The following NUP93 variants were observed in gnomAD, a reference collection of about 807,000 sequenced individuals.
The protein encoded by NUP93 is nucleoporin 93.
Under a neutral mutation model 107.8 loss-of-function variants are expected in NUP93, and 55 were observed. The observed-to-expected ratio is 0.51, with a 90% CI of 0.41 to 0.64. The LOEUF is 0.64. Ranked by LOEUF, NUP93 falls within the 30% of genes least tolerant of loss-of-function variation. The pLI is 0.00. For synonymous variants in NUP93, 390 were observed against 397.5 expected, an observed-to-expected ratio of 0.98 and a Z score of 0.22; for missense variants, 937 against 1,044.7, an observed-to-expected ratio of 0.90 and a Z score of 1.42.
intron 1 of NUP93, among the ~76,000 whole-genome samples, chr16:56,734,934 T>G (rs1961588322): frequency 6.6e-6 from 1 of 152,208 alleles, no homozygotes; most frequent in African/African-American, 2.4e-5. Flanking sequence ...ATCTCTATCT[T>G]TCTGACACGG....
intron 5 of NUP93, among the ~76,000 whole-genome samples, chr16:56,815,359 A>G (rs187016914): frequency 1.9e-4 from 29 of 152,302 alleles, no homozygotes; most frequent in African/African-American, 6.7e-4. Context: ...CTTAGAGAAC[A>G]GTCCTTAATA....
intron 8 of NUP93, among the ~76,000 whole-genome samples, chr16:56,826,776 A>G (rs1963669927): frequency 6.6e-6 from 1 of 151,638 alleles, no homozygotes; most frequent in African/African-American, 2.4e-5. Flanking sequence ...GGCTGGGTGC[A>G]GCGTCTCACG....
intron 2 of NUP93, among the ~76,000 whole-genome samples, chr16:56,755,720 C>A (rs1278130938): frequency 6.6e-6 from 1 of 151,980 alleles, no homozygotes; most frequent in Non-Finnish European, 1.5e-5. Flanking sequence ...AGTGAAAATA[C>A]AAAAATTAGC....
intron 6 of NUP93, 77 bp from the exon 7 acceptor site, chr16:56,821,427 C>G (rs1963539172): frequency 1.0e-6 from 1 of 987,998 alleles, no homozygotes; most frequent in Non-Finnish European, 1.6e-6. Flanking sequence ...CTTCTGCCGG[C>G]CATTGCCTGC....
At chr16:56,810,252 C>T (rs8048804) in intron 5 of NUP93, among the ~76,000 whole-genome samples, 133,807 of 152,252 alleles carry the variant, frequency 0.88, 59,119 homozygotes, top group East Asian at 0.99. Flanking sequence ...TGCCCTTTTC[C>T]GGAATCTTAC....
chr16:56,805,495 T>G lies in NUP93; in HGVS notation c.361-9T>G, dbSNP rs765248778. ...CTGAGGGTCATTGTTCTCTGTTCCT[T>G]TCTGGCAGACCTTCGGCATGGCTGA... On this transcript the variant is annotated splice_polypyrimidine_tract_variant and intron_variant, in intron 4 of 21. Coordinates refer to ENST00000308159, the MANE Select transcript of NUP93 (RefSeq NM_014669.5). The G allele has an allele frequency of 6.2e-6, 10 of 1,613,742 alleles. No homozygotes were observed. Among genetic ancestry groups the G allele is most frequent in the Non-Finnish European group, 8.5e-6 (10 of 1,179,802 alleles).
intron 7 of NUP93, among the ~76,000 whole-genome samples, chr16:56,822,166 G>C (rs549308525): frequency 1.0e-3 from 157 of 151,298 alleles, no homozygotes; most frequent in African/African-American, 3.6e-3. Flanking sequence ...GAAGAAGGGA[G>C]GGAAGGCTAT....
intron 11 of NUP93, 65 bp from the exon 12 acceptor site, chr16:56,832,230 C>A: frequency 7.2e-7 from 1 of 1,390,890 alleles, no homozygotes; most frequent in Non-Finnish European, 1.0e-6. Context: ...TGAACAGCTA[C>A]AACTCTGTGC....
chr16:56,769,127 T>C (rs1303523007), intron 3 of NUP93, among the ~76,000 whole-genome samples: 3 of 152,206 alleles, frequency 2.0e-5, no homozygotes, highest in Non-Finnish European at 4.4e-5. Context: ...TGCTCTTAGC[T>C]GCCTAGGATT....
intron 8 of NUP93, among the ~76,000 whole-genome samples, chr16:56,828,406 T>C (rs893973648): frequency 1.3e-5 from 2 of 152,160 alleles, no homozygotes; most frequent in African/African-American, 2.4e-5. Flanking sequence ...ATCATAATGA[T>C]ACTGAGGTTA....
At chr16:56,752,492 T>C (rs1346820433) in intron 2 of NUP93, among the ~76,000 whole-genome samples, 1 of 152,166 alleles carries the variant, frequency 6.6e-6, no homozygotes, top group Admixed American at 6.5e-5. Flanking sequence ...AAGTATTTAG[T>C]ACTCTATCAT....
At chr16:56,800,855 G>T in intron 4 of NUP93, among the ~76,000 whole-genome samples, 1 of 152,174 alleles carries the variant, frequency 6.6e-6, no homozygotes, top group Non-Finnish European at 1.5e-5. Flanking sequence ...TGAAGTCAAA[G>T]CATATTGCCC....
At chr16:56,818,642 C>G (rs1379217140) in intron 5 of NUP93, 22 bp from the exon 6 acceptor site, 3 of 1,594,282 alleles carry the variant, frequency 1.9e-6, no homozygotes, top group African/African-American at 1.3e-5. Flanking sequence ...CTAACTGATT[C>G]TGAATGTGTA....
At chr16:56,822,923 A>G (rs1414281419) in intron 7 of NUP93, among the ~76,000 whole-genome samples, 1 of 152,204 alleles carries the variant, frequency 6.6e-6, no homozygotes, top group Non-Finnish European at 1.5e-5. Flanking sequence ...TTTGAGACAG[A>G]CCATGAAAAC....
At chr16:56,756,284 T>A (rs1177176521) in intron 2 of NUP93, among the ~76,000 whole-genome samples, 1 of 125,598 alleles carries the variant, frequency 8.0e-6, no homozygotes, top group Non-Finnish European at 1.7e-5. Context: ...CCTAATGCTC[T>A]CTCTCTCCTT....
chr16:56,789,343 A>G (rs761270684), intron 3 of NUP93, among the ~76,000 whole-genome samples: 1 of 152,274 alleles, frequency 6.6e-6, no homozygotes, highest in African/African-American at 2.4e-5. Context: ...CTGAAAACCA[A>G]TTTAAATCAT....
chr16:56,800,789 A>G (rs1457156814), intron 4 of NUP93, among the ~76,000 whole-genome samples: 2 of 152,242 alleles, frequency 1.3e-5, no homozygotes, highest in Non-Finnish European at 2.9e-5. Flanking sequence ...GAACAACATT[A>G]TCAGAACATA....
At chr16:56,784,580 C>A (rs1209839757) in intron 3 of NUP93, among the ~76,000 whole-genome samples, 1 of 152,138 alleles carries the variant, frequency 6.6e-6, no homozygotes, top group Non-Finnish European at 1.5e-5. Flanking sequence ...TATACTGTTA[C>A]TAAGAGGAAA....
At chr16:56,812,644 C>T (rs9932803) in intron 5 of NUP93, among the ~76,000 whole-genome samples, 15 of 152,132 alleles carry the variant, frequency 9.9e-5, no homozygotes, top group Admixed American at 7.2e-4. Flanking sequence ...TGTCCGCCCC[C>T]CTAGCAAGTT....
Sources: allele counts gnomAD v4.1 joint callset (sites outside exome capture counted in the v4.1 genomes callset), GRCh38; gene constraint gnomAD v4.1.1; transcripts MANE v1.5; gene names NCBI Gene and HGNC (gene_info 2026-07-23, HGNC 2026-07-21).